Variants in TRIP12 observed in about 807,000 individuals in gnomAD.
TRIP12 encodes the protein E3 ubiquitin-protein ligase TRIP12.
In TRIP12, 25 loss-of-function variants were observed where a neutral mutation model predicts 244.2. That is an observed-to-expected ratio of 0.10 (90% CI 0.07 to 0.14). TRIP12 has a LOEUF of 0.14. Among genes scored for constraint, TRIP12 ranks in the 10% least tolerant of loss-of-function variants. The pLI, the probability that TRIP12 is intolerant of heterozygous loss-of-function variation, is 1.00. For synonymous variants in TRIP12, 905 were observed against 873.1 expected, an observed-to-expected ratio of 1.04 and a Z score of -0.64; for missense variants, 1,677 against 2,486.4, an observed-to-expected ratio of 0.67 and a Z score of 6.92.
rs749709352 is a variant in TRIP12 at position 229,879,938 on chromosome 2, TC to T, written c.98+43del. 1.1e-5 allele frequency: 18 copies of T among 1,603,886 alleles called. No homozygotes were observed. The Middle Eastern group carries it at 6.9e-4, about 61-fold the overall frequency. The stretch of plus-strand genomic sequence containing the variant: ...CGCAAGGAGGCTTAAAAATATTTTT[TC>T]TTTTATTCCCAATTCCTTTTCAAAT... On this transcript the variant is annotated intron_variant, in intron 2 of 41. Transcript: ENST00000675903.
At chr2:229,834,996 C>T (rs569978965) in intron 6 of TRIP12, among the ~76,000 whole-genome samples, 7 of 152,338 alleles carry the variant, frequency 4.6e-5, no homozygotes, top group Non-Finnish European at 7.3e-5. Flanking sequence ...TCTAAGTCCA[C>T]AAACCTATAC....
At chr2:229,903,018 C>CTTTTTTTTTTTTTTTT (rs57794819) in intron 1 of TRIP12, among the ~76,000 whole-genome samples, 1 of 104,896 alleles carries the variant, frequency 9.5e-6, no homozygotes, top group African/African-American at 3.2e-5. Flanking sequence ...TTCTTTTTTT[C>CTTTTTTTTTTTTTTTT]TTTTTTTTTT....
chr2:229,883,629 A>G (rs1020637744), intron 1 of TRIP12, among the ~76,000 whole-genome samples: 5 of 152,224 alleles, frequency 3.3e-5, no homozygotes, highest in African/African-American at 1.2e-4. Flanking sequence ...TTTTTCACAT[A>G]AAACCTTTGA....
At position 229,798,856 on chromosome 2, in the gene TRIP12, A is replaced by G; in HGVS notation, c.3482+19T>C. On this transcript the variant is annotated intron_variant, in intron 23 of 41. Transcript: ENST00000675903. The stretch of plus-strand genomic sequence containing the variant: ...TCTGATATGGGAATAGAAGAAACAT[A>G]AAACTCCCCCCACTTCACCTATTAT... 6.2e-7 allele frequency: 1 copy of G among 1,610,064 alleles called. No homozygotes were observed. Among genetic ancestry groups the G allele is most frequent in the Non-Finnish European group, 8.5e-7 (1 of 1,178,708 alleles).
At chr2:229,882,907 A>T (rs377012792) in intron 1 of TRIP12, among the ~76,000 whole-genome samples, 1 of 152,358 alleles carries the variant, frequency 6.6e-6, no homozygotes, top group East Asian at 1.9e-4. Flanking sequence ...CTTGAGATAT[A>T]AGAGGAAGAA....
chr2:229,912,646 C>T (rs945759219), intron 1 of TRIP12, among the ~76,000 whole-genome samples: 4 of 152,162 alleles, frequency 2.6e-5, no homozygotes, highest in African/African-American at 9.7e-5. Context: ...CTGAACCTCT[C>T]TAAACTTCCA....
At chr2:229,909,247 T>TA (rs2073745384) in intron 1 of TRIP12, among the ~76,000 whole-genome samples, 1 of 152,022 alleles carries the variant, frequency 6.6e-6, no homozygotes, top group African/African-American at 2.4e-5. Context: ...CAAAAATACT[T>TA]ATTATACCCT....
At chr2:229,800,974 T>G (rs1424904184) in intron 21 of TRIP12, among the ~76,000 whole-genome samples, 1 of 152,158 alleles carries the variant, frequency 6.6e-6, no homozygotes, top group Non-Finnish European at 1.5e-5. Context: ...ATACTGCAAT[T>G]GTCTGAACTG....
chr2:229,869,348 C>A (rs1457338103), intron 2 of TRIP12, among the ~76,000 whole-genome samples: 1 of 152,148 alleles, frequency 6.6e-6, no homozygotes, highest in Non-Finnish European at 1.5e-5. Context: ...CACTTACCAG[C>A]AAATTAACAC....
At chr2:229,835,973 A>C (rs990839206) in intron 6 of TRIP12, among the ~76,000 whole-genome samples, 6 of 152,360 alleles carry the variant, frequency 3.9e-5, no homozygotes, top group Admixed American at 2.0e-4. Flanking sequence ...ATATAAAACT[A>C]AGAAAGTGTA....
chr2:229,785,655 TC>T, intron 34 of TRIP12, 101 bp downstream of exon 34: 1 of 1,074,912 alleles, frequency 9.3e-7, no homozygotes, highest in Non-Finnish European at 1.3e-6. Flanking sequence ...GAGCAAAGTC[TC>T]CCAACTGTCT....
chr2:229,858,915 T>C lies in TRIP12; in HGVS notation c.884A>G (p.Lys295Arg). Residue 295 changes from lysine to arginine, a missense_variant, in exon 4 of 42, where the codon AAA becomes AGA. Lys to Arg is a conservative substitution (Grantham distance 26). This residue lies in a region of TRIP12 where 387 missense variants were observed against 392.6 expected (regional missense o/e 0.99). Transcript: ENST00000675903. ...RRSSREKEQSKTGGSSKFDWA... is the reference protein window; with the variant it reads ...RRSSREKEQSRTGGSSKFDWA... The stretch of plus-strand genomic sequence containing the variant: ...ATCAAATTTTGAAGAGCCACCAGTT[T>C]TACTCTGTTCCTTTTCCCTGCTACT... The C allele has an allele frequency of 1.9e-6, 3 of 1,614,212 alleles. No individual in the cohort carries two copies. Among genetic ancestry groups the C allele is most frequent in the Non-Finnish European group, 2.5e-6 (3 of 1,180,026 alleles).
intron 1 of TRIP12, among the ~76,000 whole-genome samples, chr2:229,911,450 C>T (rs2074256130): frequency 6.6e-6 from 1 of 152,046 alleles, no homozygotes; most frequent in African/African-American, 2.4e-5. Context: ...TGTATACATA[C>T]TTGTATAAAA....
intron 1 of TRIP12, among the ~76,000 whole-genome samples, chr2:229,890,572 T>C (rs2067105236): frequency 6.6e-6 from 1 of 152,138 alleles, no homozygotes; most frequent in Non-Finnish European, 1.5e-5. Flanking sequence ...AAACAAAAAT[T>C]ATTAAGATTA....
intron 9 of TRIP12, among the ~76,000 whole-genome samples, chr2:229,818,156 CA>C (rs1282898181): frequency 6.6e-6 from 1 of 152,020 alleles, no homozygotes; most frequent in East Asian, 1.9e-4. Context: ...GACTATTCAT[CA>C]AAAAAATGAT....
intron 6 of TRIP12, among the ~76,000 whole-genome samples, chr2:229,832,620 A>G (rs953509514): frequency 2.0e-5 from 3 of 152,228 alleles, no homozygotes; most frequent in African/African-American, 7.2e-5. Flanking sequence ...ACTGTACAAA[A>G]GGTATTATAA....
chr2:229,903,018 C>CTTTTTTTTT (rs57794819), intron 1 of TRIP12, among the ~76,000 whole-genome samples: 1 of 104,898 alleles, frequency 9.5e-6, no homozygotes, highest in Non-Finnish European at 2.1e-5. Context: ...TTCTTTTTTT[C>CTTTTTTTTT]TTTTTTTTTT....
At chr2:229,919,211 T>A (rs1483728074) in intron 1 of TRIP12, among the ~76,000 whole-genome samples, 2 of 151,888 alleles carry the variant, frequency 1.3e-5, no homozygotes, top group African/African-American at 4.8e-5. Context: ...AGGTCGGGAG[T>A]TCGAGACCAG....
intron 31 of TRIP12, 63 bp downstream of exon 31, chr2:229,789,548 G>C: frequency 6.4e-7 from 1 of 1,556,728 alleles, no homozygotes; most frequent in Non-Finnish European, 8.7e-7. Flanking sequence ...TCCATTTCTA[G>C]TGCAATAGGA....
Sources: allele counts gnomAD v4.1 joint callset (sites outside exome capture counted in the v4.1 genomes callset), GRCh38; gene constraint gnomAD v4.1.1; regional missense constraint gnomAD v4.1.1; transcripts MANE v1.5; gene names NCBI Gene and HGNC (gene_info 2026-07-23, HGNC 2026-07-21).